ARNT: variants seen among roughly 807,000 people sequenced by gnomAD.
ARNT encodes the protein aryl hydrocarbon receptor nuclear translocator.
A neutral mutation model predicts 105.0 loss-of-function variants in ARNT; 30 were observed. The observed-to-expected ratio is 0.29, with a 90% confidence interval of 0.21 to 0.39. The LOEUF (loss-of-function observed/expected upper bound fraction) is 0.39. Among genes scored for constraint, ARNT ranks in the 10% least tolerant of loss-of-function variants. The probability of loss-of-function intolerance (pLI) is 1.00; values close to 1 mark genes in which losing one functional copy is unlikely to be tolerated. For synonymous variants in ARNT, 304 were observed against 344.0 expected, an observed-to-expected ratio of 0.88 and a Z score of 1.29; for missense variants, 748 against 978.7, an observed-to-expected ratio of 0.76 and a Z score of 3.15.
intron 18 of ARNT, 92 bp downstream of exon 18, chr1:150,816,696 G>A (rs1655946013): frequency 7.2e-7 from 1 of 1,391,670 alleles, no homozygotes; most frequent in Non-Finnish European, 9.7e-7. Flanking sequence ...TTTTTCTGAA[G>A]TAACCAGAGA....
chr1:150,817,826 A>AT, intron 15 of ARNT, 94 bp downstream of exon 15: 1 of 1,110,692 alleles, frequency 9.0e-7, no homozygotes, highest in East Asian at 2.6e-5. Context: ...AAAAAAAAAA[A>AT]AAAAATTAAC....
chr1:150,823,516 A>T (rs2101714812), intron 13 of ARNT, among the ~76,000 whole-genome samples, 171 bp from the exon 14 acceptor site: 1 of 152,146 alleles, frequency 6.6e-6, no homozygotes, highest in South Asian at 2.1e-4. Context: ...TTAAACATGG[A>T]AGCATATTTC....
intron 1 of ARNT, among the ~76,000 whole-genome samples, chr1:150,873,500 C>T (rs1667796875): frequency 6.6e-6 from 1 of 151,962 alleles, no homozygotes; most frequent in Non-Finnish European, 1.5e-5. Flanking sequence ...TTAGAGAGTA[C>T]CAACCATATT....
At chr1:150,872,160 G>A (rs993337918) in intron 1 of ARNT, among the ~76,000 whole-genome samples, 1 of 152,018 alleles carries the variant, frequency 6.6e-6, no homozygotes, top group Admixed American at 6.6e-5. Flanking sequence ...GTTTCGTCAC[G>A]TTGTCCGGGC....
At chr1:150,853,973 C>A (rs1056752173) in intron 2 of ARNT, among the ~76,000 whole-genome samples, 1 of 152,168 alleles carries the variant, frequency 6.6e-6, no homozygotes, top group African/African-American at 2.4e-5. Flanking sequence ...CATACAGCAT[C>A]AATCCTGAAA....
intron 5 of ARNT, 81 bp from the exon 6 acceptor site, chr1:150,839,735 G>A: frequency 7.3e-7 from 1 of 1,367,342 alleles, no homozygotes; most frequent in Non-Finnish European, 1.0e-6. Context: ...TGGATACCAA[G>A]TGTGCTGCTG....
chr1:150,809,840 A>C lies in ARNT; in HGVS notation c.*2181T>G, dbSNP rs1571137342. On this transcript the variant is annotated 3_prime_UTR_variant, in exon 22 of 22. Coordinates refer to ENST00000358595, the MANE Select transcript of ARNT (RefSeq NM_001668.4). ...GAACCCAGGCAACGCCCACCCCAAA[A>C]CCCCCACCTCATGGTCAGAGCATTC... 1 of 221,340 alleles carries C rather than the reference A, an allele frequency of 4.5e-6. No individual in the cohort carries two copies. Among genetic ancestry groups the C allele is most frequent in the African/African-American group, 2.3e-5 (1 of 44,318 alleles). The allele number at this position is 221,340 out of a possible 1,614,324, so 13.7% of individuals were successfully genotyped here. A position where few individuals can be genotyped will look rare whatever the true frequency, so the allele number is the denominator to read the frequency against.
chr1:150,834,575 A>G lies in ARNT; in HGVS notation c.766T>C (p.Cys256Arg), dbSNP rs1383898341. The change falls in exon 8 of 22, where the codon TGT (cysteine) becomes CGT (arginine). Residue 256 changes from cysteine to arginine, a missense_variant. Cys to Arg is a radical substitution (Grantham distance 180). This residue lies in a region of ARNT where 291 missense variants were observed against 444.6 expected (regional missense o/e 0.65). Coordinates refer to ENST00000358595, the MANE Select transcript of ARNT (RefSeq NM_001668.4). ...ATAAACGATCTCCTTGAGCCCATAC[A>G]CATTCTCATGGAAGACTGCTGACCT... ...KEGQQSSMRMCMGSRRSFICR... is the reference protein window; with the variant it reads ...KEGQQSSMRMRMGSRRSFICR... 1 of 1,614,074 alleles carries G rather than the reference A, an allele frequency of 6.2e-7. No individual in the cohort carries two copies. Among genetic ancestry groups the G allele is most frequent in the Admixed American group, 1.7e-5 (1 of 60,010 alleles).
At chr1:150,835,622 GA>G (rs913276037) in intron 7 of ARNT, among the ~76,000 whole-genome samples, 7 of 152,072 alleles carry the variant, frequency 4.6e-5, no homozygotes, top group African/African-American at 7.2e-5. Flanking sequence ...AAAAAAGGAG[GA>G]AAACTAAAGA....
chr1:150,813,054 C>T (rs971212836), intron 21 of ARNT, 118 bp downstream of exon 21: 1 of 1,159,676 alleles, frequency 8.6e-7, no homozygotes, highest in African/African-American at 1.5e-5. Context: ...TCTCTGTCTT[C>T]TCACATATAC....
chr1:150,876,577 T>G lies in ARNT; in HGVS notation c.-10A>C, dbSNP rs1164151391. The G allele has an allele frequency of 2.0e-6, 3 of 1,527,566 alleles. No homozygotes were observed. The highest frequency in any genetic ancestry group is 2.6e-6 in the Non-Finnish European group (3 of 1,139,488). 94.6% of individuals were successfully genotyped at this position (1,527,566 alleles called of 1,614,324 possible). ...CAGTAGTCGCCGCCATGGCCGCAGATGCCACCGCCGCCGCGCCACCCCCCC... is the reference window on the plus strand; with the variant it reads ...CAGTAGTCGCCGCCATGGCCGCAGAGGCCACCGCCGCCGCGCCACCCCCCC... On this transcript the variant is annotated 5_prime_UTR_variant, in exon 1 of 22. Transcript: ENST00000358595.
intron 19 of ARNT, among the ~76,000 whole-genome samples, chr1:150,815,468 G>A (rs1251614750): frequency 6.6e-6 from 1 of 151,146 alleles, no homozygotes; most frequent in Non-Finnish European, 1.5e-5. Context: ...AGAATGGCAT[G>A]AACCCAGGAA....
chr1:150,854,956 A>G (rs1664325742), intron 2 of ARNT, among the ~76,000 whole-genome samples: 1 of 151,290 alleles, frequency 6.6e-6, no homozygotes, highest in African/African-American at 2.4e-5. Flanking sequence ...AGGAAGGAAA[A>G]GAAAGATAAT....
At position 150,817,937 on chromosome 1, in the gene ARNT, T is replaced by C. The variant is rs200317951; in HGVS notation, c.1488A>G (p.Ser496=). 14 of 1,613,172 alleles carry C rather than the reference T, an allele frequency of 8.7e-6. No individual in the cohort carries two copies. The East Asian group carries it at 2.5e-4, about 28-fold the overall frequency. The change falls in exon 15 of 22, where the codon TCA becomes TCG. Residue 496 remains serine (S), a synonymous_variant. Transcript: ENST00000358595. The part of the protein sequence containing the change: ...PTANLPLEMG[S]GQLAPRQQQQ... Reference sequence around the variant, plus strand: ...TTTTTTACCTGGGTGCCAGCTGTCCTGAGCCCATCTCCAGGGGTAAATTAG... The same window carrying C: ...TTTTTTACCTGGGTGCCAGCTGTCCCGAGCCCATCTCCAGGGGTAAATTAG...
intron 1 of ARNT, among the ~76,000 whole-genome samples, chr1:150,874,586 C>G (rs12060615): frequency 6.6e-6 from 1 of 152,158 alleles, no homozygotes; most frequent in Admixed American, 6.6e-5. Context: ...ATTCGGGAGG[C>G]TGATCGTGAG....
intron 15 of ARNT, 140 bp from the exon 16 acceptor site, chr1:150,817,573 C>A (rs777503128): frequency 1.3e-6 from 1 of 762,138 alleles, no homozygotes; most frequent in Non-Finnish European, 2.1e-6. Context: ...TTTGGGAGGC[C>A]GAAGCAGGTG....
chr1:150,863,646 T>C (rs587603021), intron 1 of ARNT, among the ~76,000 whole-genome samples: 1 of 151,894 alleles, frequency 6.6e-6, no homozygotes, highest in Non-Finnish European at 1.5e-5. Context: ...CTGACCAACA[T>C]GGTGAAACCC....
intron 2 of ARNT, chr1:150,853,355 C>G: frequency 3.8e-6 from 1 of 263,690 alleles, no homozygotes; most frequent in Non-Finnish European, 7.8e-6. Context: ...CCTAGAGTAG[C>G]AGTCAATCTT....
At chr1:150,851,668 T>C (rs1344878417) in intron 3 of ARNT, among the ~76,000 whole-genome samples, 1 of 152,040 alleles carries the variant, frequency 6.6e-6, no homozygotes, top group Non-Finnish European at 1.5e-5. Context: ...AGCATGCGCA[T>C]TAAGAGTCAT....
Sources: allele counts gnomAD v4.1 joint callset (sites outside exome capture counted in the v4.1 genomes callset), GRCh38; gene constraint gnomAD v4.1.1; regional missense constraint gnomAD v4.1.1; transcripts MANE v1.5; gene names NCBI Gene and HGNC (gene_info 2026-07-23, HGNC 2026-07-21).